Variants in PLD5 observed in about 807,000 individuals in gnomAD.
The protein encoded by PLD5 is inactive phospholipase D5.
Under a neutral mutation model 61.1 loss-of-function variants are expected in PLD5, and 36 were observed. The observed-to-expected ratio is 0.59, with a 90% CI of 0.45 to 0.78. The LOEUF (loss-of-function observed/expected upper bound fraction) is 0.78, where lower values mean the gene tolerates loss of function less well. Among genes scored for constraint, PLD5 ranks in the 30% least tolerant of loss-of-function variants. PLD5 has a pLI of 0.00. For missense variants in PLD5, 515 were observed against 644.4 expected, an observed-to-expected ratio of 0.80 and a Z score of 2.17; for synonymous variants, 243 against 242.8, an observed-to-expected ratio of 1.00 and a Z score of -0.01.
chr1:242,094,511 C>T (rs1166805370), intron 9 of PLD5, among the ~76,000 whole-genome samples: 1 of 152,114 alleles, frequency 6.6e-6, no homozygotes, highest in Non-Finnish European at 1.5e-5. Context: ...TCAGTGATGA[C>T]TTAGGAGATC....
At chr1:242,470,252 G>A (rs1667403669) in intron 1 of PLD5, among the ~76,000 whole-genome samples, 2 of 151,892 alleles carry the variant, frequency 1.3e-5, no homozygotes, top group South Asian at 2.1e-4. Context: ...TGAGGCAGGA[G>A]AATGGCGTGA....
intron 6 of PLD5, among the ~76,000 whole-genome samples, chr1:242,116,473 T>C (rs1235121668): frequency 6.6e-6 from 1 of 152,272 alleles, no homozygotes; most frequent in East Asian, 1.9e-4. Flanking sequence ...CATGGATATA[T>C]ATTATGTGAT....
At chr1:242,152,763 A>G (rs1050272728) in intron 5 of PLD5, among the ~76,000 whole-genome samples, 3 of 152,088 alleles carry the variant, frequency 2.0e-5, no homozygotes, top group Non-Finnish European at 2.9e-5. Context: ...TCACTGATGG[A>G]CATTTGGGTT....
chr1:242,271,501 G>T (rs1007459230), intron 3 of PLD5, among the ~76,000 whole-genome samples: 3 of 152,080 alleles, frequency 2.0e-5, no homozygotes, highest in African/African-American at 7.2e-5. Context: ...CAAAACAATA[G>T]TTACCCATCA....
chr1:242,309,415 T>A, intron 2 of PLD5, among the ~76,000 whole-genome samples: 1 of 149,512 alleles, frequency 6.7e-6, no homozygotes. Context: ...TAAGATGGAG[T>A]CTCACTCTGT....
intron 1 of PLD5, among the ~76,000 whole-genome samples, chr1:242,408,616 G>A (rs1664369858): frequency 6.6e-6 from 1 of 152,152 alleles, no homozygotes; most frequent in African/African-American, 2.4e-5. Flanking sequence ...TAAGCTTCCT[G>A]AGGCCTCACC....
upstream of PLD5, among the ~76,000 whole-genome samples, chr1:242,525,846 T>G (rs998869254): frequency 6.6e-6 from 1 of 152,170 alleles, no homozygotes; most frequent in Admixed American, 6.5e-5. Context: ...AAAAATGGTA[T>G]AGTAAAAATA....
At chr1:242,417,390 T>C (rs1664889712) in intron 1 of PLD5, among the ~76,000 whole-genome samples, 1 of 152,212 alleles carries the variant, frequency 6.6e-6, no homozygotes. Context: ...ACCCTGAAGT[T>C]ACCACCCTTT....
intron 4 of PLD5, among the ~76,000 whole-genome samples, chr1:242,246,933 T>A (rs1349463734): frequency 6.6e-6 from 1 of 151,916 alleles, no homozygotes; most frequent in Non-Finnish European, 1.5e-5. Context: ...GTGAGACCCT[T>A]GAAGTGGAAG....
intron 4 of PLD5, among the ~76,000 whole-genome samples, chr1:242,222,999 A>G (rs557027660): frequency 2.6e-5 from 4 of 152,320 alleles, no homozygotes; most frequent in East Asian, 1.9e-4. Flanking sequence ...GTCTTAGTCC[A>G]TTTGGGCTGC....
chr1:242,117,875 A>T (rs1662070923), intron 6 of PLD5, among the ~76,000 whole-genome samples: 1 of 152,120 alleles, frequency 6.6e-6, no homozygotes, highest in Non-Finnish European at 1.5e-5. Context: ...TTCCCTTAGC[A>T]TGTTGGCTCT....
chr1:242,394,442 G>GTATATATGAGTATATA (rs1558526235), intron 1 of PLD5, among the ~76,000 whole-genome samples: 1 of 103,714 alleles, frequency 9.6e-6, no homozygotes, highest in African/African-American at 4.2e-5. Context: ...GAGTATATAT[G>GTATATATGAGTATATA]TGTGTATATG....
intron 1 of PLD5, chr1:242,449,263 C>T (rs1204924896): frequency 1.3e-5 from 19 of 1,486,378 alleles, no homozygotes; most frequent in Non-Finnish European, 1.6e-5. Flanking sequence ...TGTTCAGTCT[C>T]ATGCTACCAA....
chr1:242,393,576 A>G (rs1663101260), intron 1 of PLD5, among the ~76,000 whole-genome samples: 1 of 96,910 alleles, frequency 1.0e-5, no homozygotes, highest in Non-Finnish European at 1.9e-5. Flanking sequence ...ATGTGTATAT[A>G]TATGAGTATA....
intron 1 of PLD5, among the ~76,000 whole-genome samples, chr1:242,357,398 G>T (rs1660810959): frequency 6.7e-6 from 1 of 149,658 alleles, no homozygotes; most frequent in African/African-American, 2.5e-5. Flanking sequence ...ATATGTCTTG[G>T]TGAACTCCTT....
At chr1:242,390,880 A>T (rs1662885981) in intron 1 of PLD5, among the ~76,000 whole-genome samples, 1 of 111,726 alleles carries the variant, frequency 9.0e-6, no homozygotes, top group Non-Finnish European at 1.8e-5. Context: ...ATGAAATTCA[A>T]GTTTTTATGG....
intron 5 of PLD5, among the ~76,000 whole-genome samples, chr1:242,163,596 T>C (rs1434368763): frequency 1.3e-5 from 2 of 152,156 alleles, no homozygotes; most frequent in East Asian, 2.0e-4. Context: ...ATAAATTCTT[T>C]CTAATAAATG....
At chr1:242,354,456 AAT>A (rs1418089942) in intron 1 of PLD5, among the ~76,000 whole-genome samples, 2 of 152,166 alleles carry the variant, frequency 1.3e-5, no homozygotes, top group African/African-American at 4.8e-5. Context: ...AGTACCATTT[AAT>A]ATGATTGCTG....
intron 1 of PLD5, among the ~76,000 whole-genome samples, chr1:242,499,752 T>C (rs1304817895): frequency 6.6e-6 from 1 of 152,080 alleles, no homozygotes; most frequent in Non-Finnish European, 1.5e-5. Context: ...CAAACTATTT[T>C]GTTGTGCTCA....
Sources: gnomAD v4.1 joint callset for allele counts (sites outside exome capture counted in the v4.1 genomes callset) on GRCh38, gnomAD v4.1.1 for gene constraint, MANE v1.5 for transcripts, NCBI Gene and HGNC (gene_info 2026-07-23, HGNC 2026-07-21) for gene names.